Variants in HPSE2 observed in about 807,000 individuals in gnomAD.
HPSE2 encodes the protein inactive heparanase-2.
Under a neutral mutation model 60.5 loss-of-function variants are expected in HPSE2, and 38 were observed. That is an observed-to-expected ratio of 0.63 (90% CI 0.48 to 0.82). The LOEUF is 0.82. Among genes scored for constraint, HPSE2 ranks in the 40% least tolerant of loss-of-function variants. The pLI is 0.00. For synonymous variants in HPSE2, 295 were observed against 293.2 expected, an observed-to-expected ratio of 1.01 and a Z score of -0.06; for missense variants, 713 against 740.4, an observed-to-expected ratio of 0.96 and a Z score of 0.43.
At position 99,127,031 on chromosome 10, in the gene HPSE2, G is replaced by A. The variant is rs556841003; in HGVS notation, c.610+17207C>T. Among the ~76,000 whole-genome samples the A allele has an allele frequency of 7.2e-5, 11 of 152,266 alleles. No homozygotes were observed. In the South Asian group the frequency reaches 2.1e-3, roughly 29 times the overall value. Reference sequence around the variant, plus strand: ...AGTCCCAGATCTTCCCTCTGACATAGTCTACCCAAATGAGAAGGAACCAGA... The same window carrying A: ...AGTCCCAGATCTTCCCTCTGACATAATCTACCCAAATGAGAAGGAACCAGA... On this transcript the variant is annotated intron_variant, in intron 3 of 11. Transcript: ENST00000370552.
chr10:98,551,739 TTC>T (rs1324162433), intron 9 of HPSE2, among the ~76,000 whole-genome samples: 1 of 152,200 alleles, frequency 6.6e-6, no homozygotes, highest in African/African-American at 2.4e-5. Context: ...TTCTAATAAA[TTC>T]TTTTTTTTCT....
intron 9 of HPSE2, among the ~76,000 whole-genome samples, chr10:98,513,723 A>C (rs576180266): frequency 1.3e-5 from 2 of 152,320 alleles, no homozygotes; most frequent in Non-Finnish European, 2.9e-5. Context: ...CATTTGAACT[A>C]TTCTTGTTTC....
chr10:98,596,841 G>T (rs1210447325), intron 9 of HPSE2, among the ~76,000 whole-genome samples: 1 of 152,000 alleles, frequency 6.6e-6, no homozygotes, highest in Non-Finnish European at 1.5e-5. Flanking sequence ...AGTCTTGTGT[G>T]GAGTGAATCT....
chr10:98,710,343 T>C (rs1948646434), intron 5 of HPSE2, among the ~76,000 whole-genome samples: 1 of 152,166 alleles, frequency 6.6e-6, no homozygotes, highest in South Asian at 2.1e-4. Context: ...ATATTAATAA[T>C]ATCACATTGG....
At chr10:98,798,541 A>C (rs1421014577) in intron 3 of HPSE2, among the ~76,000 whole-genome samples, 1 of 152,228 alleles carries the variant, frequency 6.6e-6, no homozygotes, top group African/African-American at 2.4e-5. Flanking sequence ...TAGGCAGTAC[A>C]GTAAGACATA....
At chr10:99,013,456 T>A (rs1426322267) in intron 3 of HPSE2, 9 of 469,600 alleles carry the variant, frequency 1.9e-5, no homozygotes, top group East Asian at 5.1e-5. Flanking sequence ...TTAGGAAATG[T>A]ATATTATTAT....
At chr10:99,048,582 T>C (rs1206359411) in intron 3 of HPSE2, among the ~76,000 whole-genome samples, 3 of 151,996 alleles carry the variant, frequency 2.0e-5, no homozygotes, top group East Asian at 1.9e-4. Context: ...AAAAACAAGA[T>C]ATATTGGTGA....
intron 3 of HPSE2, among the ~76,000 whole-genome samples, chr10:99,000,969 A>G (rs1246378291): frequency 6.6e-6 from 1 of 152,124 alleles, no homozygotes; most frequent in Non-Finnish European, 1.5e-5. Flanking sequence ...CAAAGAAAGC[A>G]TATGAGTAAT....
Position 98,861,658 on chromosome 10 carries a change from A to C in HPSE2, c.611-117602T>G, listed in dbSNP as rs376895914. 4.6e-5 allele frequency among the ~76,000 whole-genome samples: 7 copies of C among 152,318 alleles called. No homozygotes were observed. The East Asian group carries it at 1.4e-3, about 29-fold the overall frequency. On this transcript the variant is annotated intron_variant, in intron 3 of 11. Transcript: ENST00000370552. ...CATTCAATACTTGCCTTTTGACATAATGTGTAATAAATTTTGATAGATATG... is the reference window on the plus strand; with the variant it reads ...CATTCAATACTTGCCTTTTGACATACTGTGTAATAAATTTTGATAGATATG...
rs773647387 is a variant in HPSE2 at position 98,620,624 on chromosome 10, C to G, written c.1183G>C (p.Asp395His). Residue 395 changes from aspartate to histidine, a missense_variant, in exon 8 of 12, where the codon GAT becomes CAT. Physicochemically the swap from Asp to His is moderately conservative, Grantham distance 81 (BLOSUM62 -1). Coordinates refer to ENST00000370552, the MANE Select transcript of HPSE2 (RefSeq NM_021828.5). ...CACAAGAATCCTGCAGCATAGGAAT[C>G]GGATAGATTGTTTGTGCCTCCAGCT... ...TSAGGTNNLSDSYAAGFLWLN... is the reference protein window; with the variant it reads ...TSAGGTNNLSHSYAAGFLWLN... 10 of 1,613,780 alleles carry G rather than the reference C, an allele frequency of 6.2e-6. No individual in the cohort carries two copies. The highest frequency in any genetic ancestry group is 8.5e-6 in the Non-Finnish European group (10 of 1,179,856).
intron 3 of HPSE2, among the ~76,000 whole-genome samples, chr10:98,945,382 C>T (rs1169991835): frequency 6.6e-6 from 1 of 152,126 alleles, no homozygotes; most frequent in Non-Finnish European, 1.5e-5. Flanking sequence ...CTTTGGCTCA[C>T]ATTTGATCTG....
At chr10:99,209,035 C>G (rs927830119) in intron 2 of HPSE2, among the ~76,000 whole-genome samples, 4 of 152,088 alleles carry the variant, frequency 2.6e-5, no homozygotes, top group African/African-American at 9.7e-5. Context: ...GAGTGATAGA[C>G]AAATACAATA....
intron 3 of HPSE2, among the ~76,000 whole-genome samples, chr10:98,776,816 A>G (rs1359178561): frequency 6.6e-6 from 1 of 151,538 alleles, no homozygotes; most frequent in Admixed American, 6.6e-5. Context: ...TGATTATTGA[A>G]TCAATGAATA....
intron 3 of HPSE2, among the ~76,000 whole-genome samples, chr10:98,793,703 A>C (rs1408392958): frequency 1.3e-5 from 2 of 152,258 alleles, no homozygotes; most frequent in Non-Finnish European, 2.9e-5. Context: ...CTGAATAATA[A>C]AAAACTGCTG....
Position 99,013,331 on chromosome 10 carries a change from A to G in HPSE2, c.610+130907T>C, listed in dbSNP as rs1245265963. ...GTGCTAACATTTTATAGAGTTCTCT[A>G]GTTACAGAAATCCTCTCTCTGTCTG... On this transcript the variant is annotated intron_variant, in intron 3 of 11. Transcript: ENST00000370552. 9 of 615,330 alleles carry G rather than the reference A, an allele frequency of 1.5e-5. No homozygotes were observed. The East Asian group carries it at 2.2e-4, about 15-fold the overall frequency. 38.1% of individuals were successfully genotyped at this position (615,330 alleles called of 1,614,324 possible).
At chr10:98,890,978 G>A (rs181275257) in intron 3 of HPSE2, among the ~76,000 whole-genome samples, 1 of 152,254 alleles carries the variant, frequency 6.6e-6, no homozygotes, top group East Asian at 1.9e-4. Flanking sequence ...TATACATGGA[G>A]CACATATCTT....
At chr10:98,856,861 T>A (rs1263657383) in intron 3 of HPSE2, among the ~76,000 whole-genome samples, 2 of 152,186 alleles carry the variant, frequency 1.3e-5, no homozygotes, top group African/African-American at 4.8e-5. Flanking sequence ...AGGAACTATT[T>A]TTGTATTATT....
At chr10:99,032,485 A>G (rs1957519687) in intron 3 of HPSE2, among the ~76,000 whole-genome samples, 1 of 152,102 alleles carries the variant, frequency 6.6e-6, no homozygotes, top group South Asian at 2.1e-4. Flanking sequence ...TTTCAAACCC[A>G]TGTTATCTAT....
At chr10:99,240,060 G>A (rs1849915734), upstream of HPSE2, among the ~76,000 whole-genome samples, 1 of 151,874 alleles carries the variant, frequency 6.6e-6, no homozygotes. Context: ...ATGGTGGTGG[G>A]TGCCTGTAAT....
Sources: allele counts gnomAD v4.1 joint callset (sites outside exome capture counted in the v4.1 genomes callset), GRCh38; gene constraint gnomAD v4.1.1; transcripts MANE v1.5; gene names NCBI Gene and HGNC (gene_info 2026-07-23, HGNC 2026-07-21).